The following ADAM23 variants were observed in gnomAD, a reference collection of about 807,000 sequenced individuals.
ADAM23 encodes disintegrin and metalloproteinase domain-containing protein 23.
A neutral mutation model predicts 120.1 loss-of-function variants in ADAM23; 33 were observed. The ratio of observed to expected loss-of-function variants is 0.27; its 90% CI spans 0.21 to 0.37. The LOEUF is 0.37. ADAM23 is among the 10% of genes least tolerant of loss of function. The pLI, the probability that ADAM23 is intolerant of heterozygous loss-of-function variation, is 1.00. For missense variants in ADAM23, 862 were observed against 1,058.2 expected (o/e 0.81, Z 2.57); for synonymous variants, 367 against 375.2 (o/e 0.98, Z 0.25).
At chr2:206,484,869 TAATG>T (rs1292986844) in intron 3 of ADAM23, among the ~76,000 whole-genome samples, 1 of 152,194 alleles carries the variant, frequency 6.6e-6, no homozygotes, top group African/African-American at 2.4e-5. Flanking sequence ...GTTCTTGTGA[TAATG>T]AATAAGTCTC....
Position 206,548,927 on chromosome 2 carries a change from A to G in ADAM23, c.867+573A>G, listed in dbSNP as rs922838886. On this transcript the variant is annotated intron_variant, in intron 8 of 25. Coordinates refer to ENST00000264377, the MANE Select transcript of ADAM23 (RefSeq NM_003812.4). ...TAATTGTATAATCAACTACTGTTAT[A>G]TACTTCACATGTATTGATAAACGTA... Among the ~76,000 whole-genome samples the G allele has an allele frequency of 7.2e-5, 11 of 152,316 alleles. No individual in the cohort carries two copies. The South Asian group carries it at 1.2e-3, about 17-fold the overall frequency.
chr2:206,523,515 C>T (rs905253255), intron 3 of ADAM23, among the ~76,000 whole-genome samples: 10 of 152,112 alleles, frequency 6.6e-5, no homozygotes, highest in Non-Finnish European at 1.2e-4. Context: ...TCCATGTCCT[C>T]GATCTTTTAA....
chr2:206,499,536 GC>G (rs1169610847), intron 3 of ADAM23, among the ~76,000 whole-genome samples: 6 of 151,426 alleles, frequency 4.0e-5, no homozygotes, highest in East Asian at 1.9e-4. Context: ...TATACCTAAT[GC>G]TAAATGACGA....
At chr2:206,611,223 G>A (rs1241570390) in intron 25 of ADAM23, among the ~76,000 whole-genome samples, 2 of 151,936 alleles carry the variant, frequency 1.3e-5, no homozygotes, top group East Asian at 1.9e-4. Context: ...AAAATTATAC[G>A]TCTTTTCTCT....
intron 3 of ADAM23, among the ~76,000 whole-genome samples, chr2:206,482,250 C>G (rs1022747402): frequency 6.6e-6 from 1 of 152,162 alleles, no homozygotes; most frequent in Non-Finnish European, 1.5e-5. Flanking sequence ...AGCTTTAAGT[C>G]AGAATGAATC....
intron 24 of ADAM23, among the ~76,000 whole-genome samples, chr2:206,596,449 G>A (rs1181327171): frequency 6.6e-6 from 1 of 151,978 alleles, no homozygotes; most frequent in Non-Finnish European, 1.5e-5. Context: ...TTCTCTTTCT[G>A]TAGTCACAAA....
chr2:206,584,888 G>T (rs946924556), intron 18 of ADAM23, among the ~76,000 whole-genome samples: 1 of 152,142 alleles, frequency 6.6e-6, no homozygotes, highest in African/African-American at 2.4e-5. Flanking sequence ...GGGCTGCTCG[G>T]GGACCCAGTG....
At chr2:206,516,942 T>A (rs1414745732) in intron 3 of ADAM23, among the ~76,000 whole-genome samples, 2 of 152,118 alleles carry the variant, frequency 1.3e-5, no homozygotes, top group Non-Finnish European at 2.9e-5. Context: ...TTCCTCCTGA[T>A]CATTGTGGAC....
At chr2:206,568,506 T>C (rs192345872) in intron 15 of ADAM23, among the ~76,000 whole-genome samples, 2 of 152,326 alleles carry the variant, frequency 1.3e-5, no homozygotes, top group Admixed American at 1.3e-4. Context: ...CTCAGGACTA[T>C]TATATAGAAT....
At chr2:206,554,844 A>T (rs971679523) in intron 9 of ADAM23, among the ~76,000 whole-genome samples, 2 of 152,166 alleles carry the variant, frequency 1.3e-5, no homozygotes, top group African/African-American at 4.8e-5. Flanking sequence ...CAAGTTAACA[A>T]ATCTAGTGGT....
chr2:206,588,529 G>GT (rs1698367382), intron 20 of ADAM23, among the ~76,000 whole-genome samples: 7 of 152,072 alleles, frequency 4.6e-5, no homozygotes, highest in Admixed American at 2.6e-4. Flanking sequence ...TTAGCTTTCT[G>GT]GTTTTTACCG....
At chr2:206,600,568 G>T (rs1698621984) in intron 24 of ADAM23, among the ~76,000 whole-genome samples, 1 of 152,144 alleles carries the variant, frequency 6.6e-6, no homozygotes, top group African/African-American at 2.4e-5. Context: ...CGAATTCTAT[G>T]ACTCCGTCTT....
chr2:206,600,559 G>A lies in ADAM23; in HGVS notation c.2359+4397G>A, dbSNP rs368463811. On this transcript the variant is annotated intron_variant, in intron 24 of 25. Coordinates refer to ENST00000264377, the MANE Select transcript of ADAM23 (RefSeq NM_003812.4). ...AGACCAAATTAGTAAAAATGAAGGC[G>A]AATTCTATGACTCCGTCTTCACTGA... Among the ~76,000 whole-genome samples the A allele has an allele frequency of 7.2e-5, 11 of 152,190 alleles. No individual in the cohort carries two copies. The East Asian group carries it at 1.7e-3, about 24-fold the overall frequency.
At chr2:206,544,613 A>T (rs946473383) in intron 6 of ADAM23, among the ~76,000 whole-genome samples, 3 of 132,798 alleles carry the variant, frequency 2.3e-5, no homozygotes, top group African/African-American at 5.5e-5. Flanking sequence ...GGAGAGTTAA[A>T]TTTTTTTTTT....
chr2:206,476,292 A>G (rs1695773886), intron 2 of ADAM23, among the ~76,000 whole-genome samples: 1 of 152,204 alleles, frequency 6.6e-6, no homozygotes, highest in South Asian at 2.1e-4. Flanking sequence ...TAAACTGAAT[A>G]TATCTTAAGA....
At chr2:206,550,047 G>T in intron 8 of ADAM23, 48 bp from the exon 9 acceptor site, 1 of 1,250,068 alleles carries the variant, frequency 8.0e-7, no homozygotes, top group Non-Finnish European at 1.1e-6. Context: ...GCACTAGAGA[G>T]ATTTTATGTC....
chr2:206,530,253 G>A (rs769573727), intron 3 of ADAM23, among the ~76,000 whole-genome samples: 4 of 152,182 alleles, frequency 2.6e-5, no homozygotes, highest in African/African-American at 4.8e-5. Flanking sequence ...CATACTGCCC[G>A]TGGCTGCTTT....
In ADAM23 at chr2:206,569,603, T is replaced by C. The variant is rs1219797945; in HGVS notation, c.1495-1137T>C. ...CCGTCTCAGGATGGAGGCAGAGTCC[T>C]AAGAAGGAAAGAAGGGGGAGCCTGG... is the stretch of plus-strand genomic sequence containing the variant. On this transcript the variant is annotated intron_variant, in intron 15 of 25. Coordinates refer to ENST00000264377, the MANE Select transcript of ADAM23 (RefSeq NM_003812.4). Among the ~76,000 whole-genome samples the C allele has an allele frequency of 2.0e-5, 3 of 152,152 alleles. No individual in the cohort carries two copies. The East Asian group carries it at 5.8e-4, about 29-fold the overall frequency.
intron 13 of ADAM23, 120 bp from the exon 14 acceptor site, chr2:206,564,900 C>A: frequency 9.5e-7 from 1 of 1,054,322 alleles, no homozygotes; most frequent in South Asian, 1.4e-5. Context: ...CATTCCGTGT[C>A]TATTTGACTG....
Sources: gnomAD v4.1 joint callset for allele counts (sites outside exome capture counted in the v4.1 genomes callset) on GRCh38, gnomAD v4.1.1 for gene constraint, MANE v1.5 for transcripts, NCBI Gene and HGNC (gene_info 2026-07-23, HGNC 2026-07-21) for gene names.